Variants in SIRPA observed in about 807,000 individuals in gnomAD.
SIRPA encodes the protein signal regulatory protein alpha, also known as tyrosine-protein phosphatase non-receptor type substrate 1.
SIRPA carries 9 observed loss-of-function variants against 50.3 expected under a neutral mutation model. The observed-to-expected ratio is 0.18, with a 90% CI of 0.11 to 0.31. The LOEUF (loss-of-function observed/expected upper bound fraction) is 0.31, where lower values mean the gene tolerates loss of function less well. Ranked by LOEUF, SIRPA falls within the 10% of genes least tolerant of loss-of-function variation. The pLI, the probability that SIRPA is intolerant of heterozygous loss-of-function variation, is 1.00. For missense variants in SIRPA, 474 were observed against 661.6 expected, an observed-to-expected ratio of 0.72 and a Z score of 3.11; for synonymous variants, 265 against 284.1, an observed-to-expected ratio of 0.93 and a Z score of 0.68.
rs1208462746 is a variant in SIRPA, at chr20:1,939,043, G to A, written c.*1475G>A. On this transcript the variant is annotated 3_prime_UTR_variant, in exon 8 of 8. Transcript: ENST00000358771. This position sits in a 1 kb window ranked among gnomAD's most constrained non-coding sequence, Gnocchi z 4.7. ...GGGGATGGTGCAGCTGTGAAGCTCG[G>A]GCTGATTCCCCCTCTGTCCCAGAAG... 1 of 152,616 alleles carries A rather than the reference G, an allele frequency of 6.6e-6. No individual in the cohort carries two copies. The highest frequency in any genetic ancestry group is 1.9e-4 in the East Asian group (1 of 5,178). The allele number at this position is 152,616 out of a possible 1,614,324, so 9.5% of individuals were successfully genotyped here.
Position 1,915,101 on chromosome 20 carries a change from G to A in SIRPA, c.82G>A (p.Val28Met), listed in dbSNP as rs1985160073. 5.0e-6 allele frequency: 8 copies of A among 1,591,200 alleles called. No individual in the cohort carries two copies. Among genetic ancestry groups the A allele is most frequent in the Non-Finnish European group, 6.0e-6 (7 of 1,166,800 alleles). The change falls in exon 2 of 8, where the codon GTG becomes ATG. Residue 28 changes from valine (V) to methionine (M), a missense_variant and splice_region_variant. This residue lies in a region of SIRPA where 72 missense variants were observed against 76.2 expected (regional missense o/e 0.94). Coordinates refer to ENST00000358771, the MANE Select transcript of SIRPA (RefSeq NM_001040023.2). ...GACTGCTTTGTGCTCCTTTCCAGGA[G>A]TGGCGGGTGAGGAGGAGCTGCAGGT... ...LLAASCAWSGVAGEEELQVIQ... is the reference protein window; with the variant it reads ...LLAASCAWSGMAGEEELQVIQ...
At chr20:1,895,328 G>A, upstream of SIRPA, 1 of 614,756 alleles carries the variant, frequency 1.6e-6, no homozygotes, top group Non-Finnish European at 2.4e-6. Context: ...CCGGAGTCGG[G>A]GGGAGGCCCA....
intron 1 of SIRPA, among the ~76,000 whole-genome samples, chr20:1,905,312 C>T (rs1200401976): frequency 1.3e-4 from 20 of 152,182 alleles, no homozygotes. Context: ...GGACCTGTCA[C>T]AGGGAGAGGC....
In SIRPA at chr20:1,924,912, G is replaced by C; in HGVS notation, c.1201+35G>C. ...TTCCCCTCTTCCTCCCTAAGGGTTT[G>C]TCCCTGGACTGTCCTCGGAGGGAGA... On this transcript the variant is annotated intron_variant, in intron 5 of 7. Coordinates refer to ENST00000358771, the MANE Select transcript of SIRPA (RefSeq NM_001040023.2). This position sits in a 1 kb window ranked among gnomAD's most constrained non-coding sequence, Gnocchi z 4.5. 1.9e-6 allele frequency: 3 copies of C among 1,549,422 alleles called. No individual in the cohort carries two copies. The highest frequency in any genetic ancestry group is 2.7e-6 in the Non-Finnish European group (3 of 1,121,426).
intron 2 of SIRPA, among the ~76,000 whole-genome samples, chr20:1,921,112 T>C (rs1261558887): frequency 6.6e-6 from 1 of 152,180 alleles, no homozygotes; most frequent in Admixed American, 6.5e-5. Flanking sequence ...TGTGCCCAAA[T>C]TGCTGGAAGT....
rs773974580 is a variant in SIRPA, at chr20:1,937,360, AG to A, written c.1311del (p.Lys438ArgfsTer75). On this transcript the variant is annotated frameshift_variant, in exon 8 of 8. Coordinates refer to ENST00000358771, the MANE Select transcript of SIRPA (RefSeq NM_001040023.2). LOFTEE classifies it high-confidence loss of function. The surrounding 1 kb of genome is among the most constrained non-coding windows in gnomAD (Gnocchi z 8.3). ...DITYADLNLP[K>X]GKKPAPQAAE... ...ACATATGCAGACCTGAACCTGCCCA[AG>A]GGGAAGAAGCCTGCTCCCCAGGCTG... 6.2e-7 allele frequency: 1 copy of A among 1,614,116 alleles called. No homozygotes were observed.
rs1478162775 is a variant in SIRPA at position 1,936,361 on chromosome 20, C to A, written c.1267-959C>A. Among the ~76,000 whole-genome samples the A allele has an allele frequency of 6.6e-6, 1 of 152,202 alleles. No individual in the cohort carries two copies. The highest frequency in any genetic ancestry group is 1.5e-5 in the Non-Finnish European group (1 of 68,040). The stretch of plus-strand genomic sequence containing the variant: ...TGCTCAATAGGTACCAGGCTCTGTT[C>A]TAAACGCTTTACCTGGATAATCTCA... On this transcript the variant is annotated intron_variant, in intron 7 of 7. Coordinates refer to ENST00000358771, the MANE Select transcript of SIRPA (RefSeq NM_001040023.2). This position sits in a 1 kb window ranked among gnomAD's most constrained non-coding sequence, Gnocchi z 4.2.
At position 1,898,097 on chromosome 20, in the gene SIRPA, C is replaced by T. The variant is rs114914040; in HGVS notation, c.79+2571C>T. Among the ~76,000 whole-genome samples, 1,178 of 152,338 alleles carry T rather than the reference C, an allele frequency of 7.7e-3. 26 individuals are homozygous for T. Among genetic ancestry groups the T allele is most frequent in the African/African-American group, 0.026 (1,091 of 41,572 alleles). On this transcript the variant is annotated intron_variant, in intron 1 of 7. Coordinates refer to ENST00000358771, the MANE Select transcript of SIRPA (RefSeq NM_001040023.2). This position sits in a 1 kb window ranked among gnomAD's most constrained non-coding sequence, Gnocchi z 4.3. ...TCAGATAAACTCCCATTCATTTCTTCTCTCTGGCCTGGAGGAGGCCAAGCC... is the reference window on the plus strand; with the variant it reads ...TCAGATAAACTCCCATTCATTTCTTTTCTCTGGCCTGGAGGAGGCCAAGCC...
intron 1 of SIRPA, among the ~76,000 whole-genome samples, chr20:1,899,797 T>G (rs1297935170): frequency 6.6e-6 from 1 of 152,240 alleles, no homozygotes; most frequent in Non-Finnish European, 1.5e-5. Context: ...AATCTGTGTC[T>G]CATTTTGCTC....
In SIRPA at chr20:1,918,360, C is replaced by CCTTTTTTTTTT. The variant is rs745958149; in HGVS notation, c.436+2905_436+2906insCTTTTTTTTTT. On this transcript the variant is annotated intron_variant, in intron 2 of 7. Transcript: ENST00000358771. ...ACAGGGGCACCCACCACCACACCAG[C>CCTTTTTTTTTT]TTTTTTTTTTTTTTTTTTTTTTTGT... 5.2e-4 allele frequency among the ~76,000 whole-genome samples: 50 copies of CCTTTTTTTTTT among 95,670 alleles called. 1 individual carries two copies. Among genetic ancestry groups the CCTTTTTTTTTT allele is most frequent in the Non-Finnish European group, 6.7e-4 (33 of 49,052 alleles). The allele number at this position is 95,670 out of a possible 152,430, so 62.8% of individuals were successfully genotyped here.
In SIRPA at chr20:1,936,883, A is replaced by G. The variant is rs1015485158; in HGVS notation, c.1267-437A>G. 5.9e-5 allele frequency among the ~76,000 whole-genome samples: 9 copies of G among 152,090 alleles called. No individual in the cohort carries two copies. The highest frequency in any genetic ancestry group is 2.0e-4 in the Admixed American group (3 of 15,268). ...GAAGGAACATGGACCCTGCCAGGAGAGGGGAGAGCCAGGGAGGGTCTTAGT... is the reference window on the plus strand; with the variant it reads ...GAAGGAACATGGACCCTGCCAGGAGGGGGGAGAGCCAGGGAGGGTCTTAGT... On this transcript the variant is annotated intron_variant, in intron 7 of 7. Transcript: ENST00000358771. The surrounding 1 kb of genome is among the most constrained non-coding windows in gnomAD (Gnocchi z 4.2).
At chr20:1,917,124 C>T (rs186486664) in intron 2 of SIRPA, among the ~76,000 whole-genome samples, 1 of 152,262 alleles carries the variant, frequency 6.6e-6, no homozygotes, top group African/African-American at 2.4e-5. Flanking sequence ...CTAAATGATG[C>T]CCTGGATGAG....
At position 1,936,955 on chromosome 20, in the gene SIRPA, T is replaced by C. The variant is rs1248190904; in HGVS notation, c.1267-365T>C. Among the ~76,000 whole-genome samples the C allele has an allele frequency of 6.6e-6, 1 of 151,984 alleles. No homozygotes were observed. The highest frequency in any genetic ancestry group is 2.1e-4 in the South Asian group (1 of 4,816). On this transcript the variant is annotated intron_variant, in intron 7 of 7. Coordinates refer to ENST00000358771, the MANE Select transcript of SIRPA (RefSeq NM_001040023.2). The surrounding 1 kb of genome is among the most constrained non-coding windows in gnomAD (Gnocchi z 4.2). Reference sequence around the variant, plus strand: ...ATTTACATGGTGGATTGGGATTTGTTACAAGGAGAAGCAGGACAGACACCC... The same window carrying C: ...ATTTACATGGTGGATTGGGATTTGTCACAAGGAGAAGCAGGACAGACACCC...
At position 1,921,380 on chromosome 20, in the gene SIRPA, A is replaced by G. The variant is rs1015769647; in HGVS notation, c.437-15A>G. On this transcript the variant is annotated splice_polypyrimidine_tract_variant and intron_variant, in intron 2 of 7. Coordinates refer to ENST00000358771, the MANE Select transcript of SIRPA (RefSeq NM_001040023.2). ...TCTGAGTCATGTCTCCTGATTATCGATGGTCCTTTTGTAGCCAAACCCTCT... is the reference window on the plus strand; with the variant it reads ...TCTGAGTCATGTCTCCTGATTATCGGTGGTCCTTTTGTAGCCAAACCCTCT... 37 of 1,611,940 alleles carry G rather than the reference A, an allele frequency of 2.3e-5. No homozygotes were observed. Among genetic ancestry groups the G allele is most frequent in the Non-Finnish European group, 3.1e-5 (36 of 1,178,130 alleles).
At chr20:1,895,587 A>C in intron 1 of SIRPA, 61 bp downstream of exon 1, 1 of 1,253,224 alleles carries the variant, frequency 8.0e-7, no homozygotes, top group Non-Finnish European at 1.0e-6. Flanking sequence ...GGCCTCTCAG[A>C]CTGGCACTGG....
intron 1 of SIRPA, among the ~76,000 whole-genome samples, chr20:1,902,926 C>T (rs35556047): frequency 0.05 from 7,291 of 147,208 alleles, 253 homozygotes; most frequent in Middle Eastern, 0.094. Flanking sequence ...GCAGGAGAAT[C>T]GCTTGACCCC....
chr20:1,918,023 G>A (rs1985403623), intron 2 of SIRPA, among the ~76,000 whole-genome samples: 1 of 152,156 alleles, frequency 6.6e-6, no homozygotes, highest in Non-Finnish European at 1.5e-5. Context: ...TGCCCATTGG[G>A]TACATGAGGG....
At chr20:1,901,806 C>T (rs1456378163) in intron 1 of SIRPA, among the ~76,000 whole-genome samples, 1 of 152,110 alleles carries the variant, frequency 6.6e-6, no homozygotes, top group Non-Finnish European at 1.5e-5. Context: ...TGCAGATTAG[C>T]GCCAAGAGCC....
rs1983935074 is a variant in SIRPA, at chr20:1,898,068, G to A, written c.79+2542G>A. ...AGACCTCTGAGTCACCCCCCAGGCC[G>A]ACCTCAGATAAACTCCCATTCATTT... On this transcript the variant is annotated intron_variant, in intron 1 of 7. Coordinates refer to ENST00000358771, the MANE Select transcript of SIRPA (RefSeq NM_001040023.2). The surrounding 1 kb of genome is among the most constrained non-coding windows in gnomAD (Gnocchi z 4.3). Among the ~76,000 whole-genome samples the A allele has an allele frequency of 6.6e-6, 1 of 152,198 alleles. No homozygotes were observed. Among genetic ancestry groups the A allele is most frequent in the Non-Finnish European group, 1.5e-5 (1 of 68,040 alleles).
Sources: gnomAD v4.1 joint callset for allele counts (sites outside exome capture counted in the v4.1 genomes callset) on GRCh38, gnomAD v4.1.1 for gene constraint, gnomAD v4.1.1 regional missense constraint, Gnocchi (gnomAD v3.1) non-coding constraint, MANE v1.5 for transcripts, NCBI Gene and HGNC (gene_info 2026-07-23, HGNC 2026-07-21) for gene names.